Variants in OR5M3 observed in about 807,000 individuals in gnomAD.
OR5M3 encodes olfactory receptor family 5 subfamily M member 3.
For synonymous variants in OR5M3, 129 were observed against 131.3 expected (o/e 0.98, Z 0.12); for missense variants, 384 against 378.6 (o/e 1.01, Z -0.12).
At chr11:56,472,435 C>A (rs958554335) in intron 1 of OR5M3, among the ~76,000 whole-genome samples, 1 of 151,074 alleles carries the variant, frequency 6.6e-6, no homozygotes, top group Non-Finnish European at 1.5e-5. Context: ...TTCTTGCTGG[C>A]AATAGAGGGA....
Position 56,470,291 on chromosome 11 carries a change from C to T in OR5M3, c.207G>A (p.Val69=), listed in dbSNP as rs1853653703. 1.9e-6 allele frequency: 3 copies of T among 1,613,358 alleles called. No individual in the cohort carries two copies. In the Admixed American group the frequency reaches 5.0e-5, roughly 27 times the overall value. ...FFLSHLSFVD[V]WFSSNVTPKM... is the part of the protein sequence containing the mutation. ...TAGGGGTGACATTGGAAGAAAACCA[C>T]ACATCAACAAATGACAAGTGACTGA... The change falls in exon 2 of 2, where the codon GTG becomes GTA. Residue 69 remains valine (V), a synonymous_variant. Coordinates refer to ENST00000641993, the MANE Select transcript of OR5M3 (RefSeq NM_001004742.3).
At chr11:56,470,880 G>T (rs143344227) in intron 1 of OR5M3, among the ~76,000 whole-genome samples, 1 of 151,674 alleles carries the variant, frequency 6.6e-6, no homozygotes, top group African/African-American at 2.4e-5. Flanking sequence ...AGTTATTTTC[G>T]TAATAGAACT....
At chr11:56,472,372 A>C (rs1303720911) in intron 1 of OR5M3, among the ~76,000 whole-genome samples, 1 of 152,078 alleles carries the variant, frequency 6.6e-6, no homozygotes, top group Non-Finnish European at 1.5e-5. Flanking sequence ...ACATGTCAAC[A>C]GATAACTCCA....
At position 56,470,214 on chromosome 11, in the gene OR5M3, C is replaced by T; in HGVS notation, c.284G>A (p.Cys95Tyr). 1 of 1,613,932 alleles carries T rather than the reference C, an allele frequency of 6.2e-7. No individual in the cohort carries two copies. The highest frequency in any genetic ancestry group is 8.5e-7 in the Non-Finnish European group (1 of 1,179,832). The change falls in exon 2 of 2, where the codon TGT (cysteine) becomes TAT (tyrosine). Residue 95 changes from cysteine to tyrosine, a missense_variant. Physicochemically the swap from Cys to Tyr is radical, Grantham distance 194 (BLOSUM62 -2). Coordinates refer to ENST00000641993, the MANE Select transcript of OR5M3 (RefSeq NM_001004742.3). ...SDKKTITYAG[C>Y]LVQCFFFIAL... is the part of the protein sequence containing the mutation. ...AATGAAGAAGAAACACTGTACTAAA[C>T]AACCAGCATAAGTAATTGTTTTTTT...
At chr11:56,470,707 AT>A (rs1402077310) in intron 1 of OR5M3, among the ~76,000 whole-genome samples, 166 bp from the exon 2 acceptor site, 1 of 152,100 alleles carries the variant, frequency 6.6e-6, no homozygotes, top group Non-Finnish European at 1.5e-5. Context: ...GACAGTCCCT[AT>A]TATATAACAA....
rs1853684347 is a variant in OR5M3 at position 56,473,269 on chromosome 11, G to A, written c.-93C>T. On this transcript the variant is annotated 5_prime_UTR_variant, in exon 1 of 2. Transcript: ENST00000641993. ...CAATGTGGTTGCAGAGTTGAAAAGC[G>A]CATGCTATATATGGGAATGGTAAAC... 6.6e-6 allele frequency: 1 copy of A among 152,066 alleles called. No homozygotes were observed. Among genetic ancestry groups the A allele is most frequent in the African/African-American group, 2.4e-5 (1 of 41,410 alleles). 9.4% of individuals were successfully genotyped at this position (152,066 alleles called of 1,614,324 possible). A position where few individuals can be genotyped will look rare whatever the true frequency, so the allele number is the denominator to read the frequency against.
chr11:56,471,003 GT>G (rs1210116148), intron 1 of OR5M3, among the ~76,000 whole-genome samples: 3 of 151,870 alleles, frequency 2.0e-5, no homozygotes, highest in Non-Finnish European at 4.4e-5. Context: ...TTATAAAAAT[GT>G]TTTTAATCTA....
In OR5M3 at chr11:56,470,120, A is replaced by T; in HGVS notation, c.378T>A (p.Asn126Lys). The change falls in exon 2 of 2, where the codon AAT (asparagine) becomes AAA (lysine). Residue 126 changes from asparagine to lysine, a missense_variant. By Grantham distance (94) the Asn-to-Lys change is moderately conservative (BLOSUM62 0). Transcript: ENST00000641993. ...MAFDRYMAIG[N>K]PLLYGSKMSR... Reference sequence around the variant, plus strand: ...ACATTTTACTGCCATAAAGCAGAGGATTCCCAATTGCCATGTATCTATCAA... The same window carrying T: ...ACATTTTACTGCCATAAAGCAGAGGTTTCCCAATTGCCATGTATCTATCAA... The T allele has an allele frequency of 1.2e-6, 2 of 1,602,266 alleles. No homozygotes were observed. The highest frequency in any genetic ancestry group is 2.7e-5 in the African/African-American group (2 of 74,966).
At position 56,470,192 on chromosome 11, in the gene OR5M3, G is replaced by T. The variant is rs772239791; in HGVS notation, c.306C>A (p.Phe102Leu). Residue 102 changes from phenylalanine to leucine, a missense_variant, in exon 2 of 2, where the codon TTC (phenylalanine) becomes TTA (leucine). Phe to Leu is a conservative substitution (Grantham distance 22). Coordinates refer to ENST00000641993, the MANE Select transcript of OR5M3 (RefSeq NM_001004742.3). Reference protein sequence around the residue: ...YAGCLVQCFFFIALVHVEIFI... With the variant: ...YAGCLVQCFFLIALVHVEIFI... ...AAATTTCCACATGGACAAGAGCAAT[G>T]AAGAAGAAACACTGTACTAAACAAC... The T allele has an allele frequency of 6.2e-7, 1 of 1,613,550 alleles. No homozygotes were observed. The highest frequency in any genetic ancestry group is 1.1e-5 in the South Asian group (1 of 91,078).
intron 1 of OR5M3, among the ~76,000 whole-genome samples, chr11:56,471,510 AATTTTTCTCCATCAAATGGGAC>A (rs1853667371): frequency 6.6e-6 from 1 of 151,992 alleles, no homozygotes; most frequent in Non-Finnish European, 1.5e-5. Context: ...ATAATCCACA[AATTTTTCTCCATCAAATGGGAC>A]ATCTTTGTGT....
Position 56,470,217 on chromosome 11 carries a change from C to A in OR5M3, c.281G>T (p.Gly94Val). 6.2e-7 allele frequency: 1 copy of A among 1,613,712 alleles called. No homozygotes were observed. The highest frequency in any genetic ancestry group is 8.5e-7 in the Non-Finnish European group (1 of 1,179,674). The change falls in exon 2 of 2, where the codon GGT becomes GTT. Residue 94 changes from glycine (G) to valine (V), a missense_variant. Coordinates refer to ENST00000641993, the MANE Select transcript of OR5M3 (RefSeq NM_001004742.3). Reference protein sequence around the residue: ...LSDKKTITYAGCLVQCFFFIA... With the variant: ...LSDKKTITYAVCLVQCFFFIA... ...GAAGAAGAAACACTGTACTAAACAA[C>A]CAGCATAAGTAATTGTTTTTTTATC...
chr11:56,470,508 C>T lies in OR5M3; in HGVS notation c.-11G>A. 3.3e-6 allele frequency: 5 copies of T among 1,519,786 alleles called. No homozygotes were observed. The highest frequency in any genetic ancestry group is 3.5e-6 in the Non-Finnish European group (4 of 1,127,830). 94.1% of individuals were successfully genotyped at this position (1,519,786 alleles called of 1,614,324 possible). Reference sequence around the variant, plus strand: ...GGTGAAATTGAGCATTTTCTGAATTCTAAGTCAATATCAGTTACAAAACTT... The same window carrying T: ...GGTGAAATTGAGCATTTTCTGAATTTTAAGTCAATATCAGTTACAAAACTT... On this transcript the variant is annotated 5_prime_UTR_variant, in exon 2 of 2. Transcript: ENST00000641993.
intron 1 of OR5M3, among the ~76,000 whole-genome samples, chr11:56,471,818 G>C (rs1198426062): frequency 6.6e-6 from 1 of 151,914 alleles, no homozygotes; most frequent in Non-Finnish European, 1.5e-5. Context: ...TAAGAATCTT[G>C]AGATAGCCTT....
chr11:56,470,531 C>G lies in OR5M3; in HGVS notation c.-34G>C. The G allele has an allele frequency of 7.9e-7, 1 of 1,260,948 alleles. No individual in the cohort carries two copies. The highest frequency in any genetic ancestry group is 1.1e-6 in the Non-Finnish European group (1 of 912,582). The allele number at this position is 1,260,948 out of a possible 1,614,324, so 78.1% of individuals were successfully genotyped here. On this transcript the variant is annotated 5_prime_UTR_variant, in exon 2 of 2. Transcript: ENST00000641993. ...TTCTAAGTCAATATCAGTTACAAAA[C>G]TTTTTGATAACTAAAATAAAATAAA...
In OR5M3 at chr11:56,470,413, AGAT is replaced by A; in HGVS notation, c.82_84del (p.Ile28del). On this transcript the variant is annotated inframe_deletion, in exon 2 of 2. Coordinates refer to ENST00000641993, the MANE Select transcript of OR5M3 (RefSeq NM_001004742.3). ...ATGGTGATGATGTAGACCACAAGAA[AGAT>A]GATGAAGAAGAGAACTTGCCATTCT... The A allele has an allele frequency of 6.2e-7, 1 of 1,613,418 alleles. No individual in the cohort carries two copies.
chr11:56,472,910 T>C (rs901728221), intron 1 of OR5M3, among the ~76,000 whole-genome samples: 4 of 152,120 alleles, frequency 2.6e-5, no homozygotes, highest in Admixed American at 1.3e-4. Context: ...TTGTTTTGTT[T>C]TGCTTTTACT....
chr11:56,469,456 T>C lies in OR5M3; in HGVS notation c.*118A>G, dbSNP rs2134832999. On this transcript the variant is annotated 3_prime_UTR_variant, in exon 2 of 2. Transcript: ENST00000641993. ...ATATTTTCTCAATTTGTACCACTTTTATTTTTCTTTTCAACCCACAGAATA... is the reference window on the plus strand; with the variant it reads ...ATATTTTCTCAATTTGTACCACTTTCATTTTTCTTTTCAACCCACAGAATA... 1.7e-6 allele frequency: 1 copy of C among 580,862 alleles called. No homozygotes were observed. Among genetic ancestry groups the C allele is most frequent in the South Asian group, 3.1e-5 (1 of 31,896 alleles). The allele number at this position is 580,862 out of a possible 1,614,324, so 36.0% of individuals were successfully genotyped here. A position where few individuals can be genotyped will look rare whatever the true frequency, so the allele number is the denominator to read the frequency against.
intron 1 of OR5M3, among the ~76,000 whole-genome samples, chr11:56,472,476 T>C (rs552331878): frequency 3.0e-4 from 45 of 152,198 alleles, no homozygotes; most frequent in Non-Finnish European, 5.0e-4. Context: ...TCTCATTTTG[T>C]AGTGACGGGT....
At position 56,472,682 on chromosome 11, in the gene OR5M3, G is replaced by C. The variant is rs569141085; in HGVS notation, c.-45+539C>G. Among the ~76,000 whole-genome samples, 5 of 152,152 alleles carry C rather than the reference G, an allele frequency of 3.3e-5. No homozygotes were observed. In the East Asian group the frequency reaches 7.7e-4, roughly 24 times the overall value. Reference sequence around the variant, plus strand: ...GATTAGGGGACCTCAAGAGTATTTAGAGAATTTCCTCACCACCTAAATTTA... The same window carrying C: ...GATTAGGGGACCTCAAGAGTATTTACAGAATTTCCTCACCACCTAAATTTA... On this transcript the variant is annotated intron_variant, in intron 1 of 1. Transcript: ENST00000641993.
Sources: gnomAD v4.1 joint callset for allele counts (sites outside exome capture counted in the v4.1 genomes callset) on GRCh38, gnomAD v4.1.1 for gene constraint, MANE v1.5 for transcripts, NCBI Gene and HGNC (gene_info 2026-07-23, HGNC 2026-07-21) for gene names.